RRM1: variants seen among roughly 807,000 people sequenced by gnomAD.
The protein encoded by RRM1 is ribonucleotide reductase catalytic subunit M1, also known as ribonucleoside-diphosphate reductase large subunit.
RRM1 carries 19 observed loss-of-function variants against 101.5 expected under a neutral mutation model. The ratio of observed to expected loss-of-function variants is 0.19; its 90% CI spans 0.13 to 0.27. The LOEUF is 0.27. RRM1 is among the 10% of genes least tolerant of loss of function. The pLI is 1.00. For missense variants in RRM1, 500 were observed against 962.9 expected (o/e 0.52, Z 6.36); for synonymous variants, 298 against 323.4 (o/e 0.92, Z 0.84).
intron 9 of RRM1, 59 bp from the exon 10 acceptor site, chr11:4,121,545 C>G (rs779838350): frequency 1.5e-6 from 2 of 1,363,362 alleles, no homozygotes; most frequent in Non-Finnish European, 2.0e-6. Flanking sequence ...CTTTGGGAGA[C>G]ATGATGTTTC....
chr11:4,104,398 C>G (rs939525961), intron 2 of RRM1, among the ~76,000 whole-genome samples: 1 of 152,114 alleles, frequency 6.6e-6, no homozygotes, highest in Non-Finnish European at 1.5e-5. Context: ...CTGGGAAACA[C>G]ATTTATTTTC....
Position 4,123,322 on chromosome 11 carries a change from C to T in RRM1, c.1258C>T (p.Leu420=). 3 of 1,614,122 alleles carry T rather than the reference C, an allele frequency of 1.9e-6. No homozygotes were observed. The highest frequency in any genetic ancestry group is 2.5e-6 in the Non-Finnish European group (3 of 1,180,014). The change falls in exon 12 of 19, where the codon CTG becomes TTG. Residue 420 remains leucine (L), a synonymous_variant. Coordinates refer to ENST00000300738, the MANE Select transcript of RRM1 (RefSeq NM_001033.5). ...SCNRKSNQQN[L]GTIKCSNLCT... ...TAATCGAAAGAGCAACCAGCAGAAC[C>T]TGGGAACCATCAAATGCAGCAACCT...
chr11:4,129,183 C>T (rs1398403464), intron 15 of RRM1, 33 bp downstream of exon 15: 2 of 1,327,482 alleles, frequency 1.5e-6, no homozygotes, highest in Non-Finnish European at 2.2e-6. Context: ...GCTTTGAAGG[C>T]AGAAGGGTTT....
intron 7 of RRM1, among the ~76,000 whole-genome samples, chr11:4,117,489 G>A (rs1029492399): frequency 1.3e-5 from 2 of 152,076 alleles, no homozygotes; most frequent in Non-Finnish European, 2.9e-5. Flanking sequence ...TATATCAAAA[G>A]GATTAATTTC....
intron 14 of RRM1, among the ~76,000 whole-genome samples, chr11:4,127,559 CCACTA>C (rs1158217015): frequency 1.3e-5 from 2 of 152,150 alleles, no homozygotes; most frequent in African/African-American, 4.8e-5. Flanking sequence ...ATGCTGATAA[CCACTA>C]GAAGTTATAA....
At chr11:4,131,109 G>A (rs554166276) in intron 15 of RRM1, among the ~76,000 whole-genome samples, 7 of 152,326 alleles carry the variant, frequency 4.6e-5, no homozygotes, top group Middle Eastern at 3.4e-3. Context: ...TCACAGTTCC[G>A]CAGGGTTGGG....
chr11:4,113,084 G>T (rs547217802), intron 7 of RRM1, among the ~76,000 whole-genome samples: 1 of 151,490 alleles, frequency 6.6e-6, no homozygotes, highest in East Asian at 2.0e-4. Flanking sequence ...GCCATTTGTT[G>T]AGAAAAGGAA....
At chr11:4,137,389 A>AG (rs1184054557) in intron 18 of RRM1, 66 of 116,766 alleles carry the variant, frequency 5.7e-4, no homozygotes, top group African/African-American at 2.5e-3. Context: ...GCGGCTGGCC[A>AG]GGCGGGGGGC....
chr11:4,132,152 T>G lies in RRM1; in HGVS notation c.1770-134T>G. Reference sequence around the variant, plus strand: ...GGAGTTTAATTTGAAAGTCAACGTGTGAGTTCAATGCATGTACGATGTTAC... The same window carrying G: ...GGAGTTTAATTTGAAAGTCAACGTGGGAGTTCAATGCATGTACGATGTTAC... On this transcript the variant is annotated intron_variant, in intron 15 of 18. Transcript: ENST00000300738. The surrounding 1 kb of genome is among the most constrained non-coding windows in gnomAD (Gnocchi z 4.1). 6 of 856,818 alleles carry G rather than the reference T, an allele frequency of 7.0e-6. No individual in the cohort carries two copies. Among genetic ancestry groups the G allele is most frequent in the Non-Finnish European group, 1.1e-5 (6 of 543,866 alleles). 53.1% of individuals were successfully genotyped at this position (856,818 alleles called of 1,614,324 possible).
At chr11:4,105,972 T>G in intron 2 of RRM1, 74 bp from the exon 3 acceptor site, 1 of 1,327,736 alleles carries the variant, frequency 7.5e-7, no homozygotes, top group East Asian at 2.3e-5. Flanking sequence ...CCATGATGGT[T>G]TTCTTAATTA....
At position 4,132,542 on chromosome 11, in the gene RRM1, A is replaced by G. The variant is rs1342760746; in HGVS notation, c.1905+121A>G. The G allele has an allele frequency of 4.9e-6, 4 of 823,028 alleles. No individual in the cohort carries two copies. Among genetic ancestry groups the G allele is most frequent in the Non-Finnish European group, 7.8e-6 (4 of 513,492 alleles). The allele number at this position is 823,028 out of a possible 1,614,324, so 51.0% of individuals were successfully genotyped here. A position where few individuals can be genotyped will look rare whatever the true frequency, so the allele number is the denominator to read the frequency against. ...TTTGGGTGCAAACTTTGATAAAGAC[A>G]GTCATCTTCATCTCTAATATTATTA... On this transcript the variant is annotated intron_variant, in intron 16 of 18. Transcript: ENST00000300738. This position sits in a 1 kb window ranked among gnomAD's most constrained non-coding sequence, Gnocchi z 4.1.
chr11:4,106,341 C>G (rs547396225), intron 3 of RRM1, 118 bp downstream of exon 3: 1 of 858,118 alleles, frequency 1.2e-6, no homozygotes, highest in Non-Finnish European at 1.8e-6. Context: ...GCTTACACCT[C>G]GAATCCCAGC....
intron 9 of RRM1, among the ~76,000 whole-genome samples, chr11:4,120,226 CCACA>C (rs1182423817): frequency 6.6e-6 from 1 of 152,182 alleles, no homozygotes; most frequent in Non-Finnish European, 1.5e-5. Flanking sequence ...TCACCCCTAC[CCACA>C]CATACTTTAT....
chr11:4,107,209 C>T (rs1163067060), intron 3 of RRM1, among the ~76,000 whole-genome samples: 1 of 152,190 alleles, frequency 6.6e-6, no homozygotes, highest in Non-Finnish European at 1.5e-5. Flanking sequence ...CTATTTTAAA[C>T]TACAAGAACT....
At chr11:4,095,518 G>T (rs1460853134) in intron 1 of RRM1, among the ~76,000 whole-genome samples, 1 of 152,154 alleles carries the variant, frequency 6.6e-6, no homozygotes, top group Non-Finnish European at 1.5e-5. Context: ...AAAGAAGGAG[G>T]GGGCCTCTCT....
intron 12 of RRM1, among the ~76,000 whole-genome samples, chr11:4,124,978 G>A (rs994193254): frequency 6.7e-6 from 1 of 148,912 alleles, no homozygotes; most frequent in Non-Finnish European, 1.5e-5. Context: ...GTAGTGGCTC[G>A]ATCTCGGCTC....
chr11:4,123,642 A>C (rs1158052053), intron 12 of RRM1, among the ~76,000 whole-genome samples: 2 of 152,202 alleles, frequency 1.3e-5, no homozygotes, highest in Non-Finnish European at 2.9e-5. Flanking sequence ...TTACTCAAGA[A>C]AAATAGAAAT....
At chr11:4,114,979 C>T (rs2094570765) in intron 7 of RRM1, among the ~76,000 whole-genome samples, 1 of 152,134 alleles carries the variant, frequency 6.6e-6, no homozygotes, top group Non-Finnish European at 1.5e-5. Context: ...TCCCGAAGTG[C>T]TGGGATTACA....
chr11:4,113,380 A>C (rs1590719290), intron 7 of RRM1, among the ~76,000 whole-genome samples: 1 of 152,238 alleles, frequency 6.6e-6, no homozygotes, highest in East Asian at 1.9e-4. Flanking sequence ...TAAGAAAAAG[A>C]AAAGATTGGA....
Sources: gnomAD v4.1 joint callset for allele counts (sites outside exome capture counted in the v4.1 genomes callset) on GRCh38, gnomAD v4.1.1 for gene constraint, Gnocchi (gnomAD v3.1) non-coding constraint, MANE v1.5 for transcripts, NCBI Gene and HGNC (gene_info 2026-07-23, HGNC 2026-07-21) for gene names.